Variants in CBLB observed in about 807,000 individuals in gnomAD.
The protein encoded by CBLB is E3 ubiquitin-protein ligase CBL-B.
Under a neutral mutation model 104.9 loss-of-function variants are expected in CBLB, and 31 were observed. The ratio of observed to expected loss-of-function variants is 0.30; its 90% confidence interval spans 0.22 to 0.40. The LOEUF is 0.40. CBLB is among the 10% of genes least tolerant of loss of function. The pLI, the probability that CBLB is intolerant of heterozygous loss-of-function variation, is 1.00. For missense variants in CBLB, 1,062 were observed against 1,214.6 expected, an observed-to-expected ratio of 0.87 and a Z score of 1.87; for synonymous variants, 440 against 422.6, an observed-to-expected ratio of 1.04 and a Z score of -0.51.
chr3:105,730,518 C>T (rs2074201931), intron 9 of CBLB, among the ~76,000 whole-genome samples: 1 of 151,958 alleles, frequency 6.6e-6, no homozygotes, highest in Admixed American at 6.6e-5. Context: ...GACCAATGTG[C>T]AGATAACATG....
chr3:105,759,490 G>A (rs965517563), intron 4 of CBLB, among the ~76,000 whole-genome samples: 6 of 152,214 alleles, frequency 3.9e-5, no homozygotes, highest in African/African-American at 1.4e-4. Context: ...TGTTTCTGTG[G>A]AGGGTCACCT....
chr3:105,746,422 GACTTT>G (rs2076105702), intron 5 of CBLB, among the ~76,000 whole-genome samples: 1 of 152,116 alleles, frequency 6.6e-6, no homozygotes, highest in Non-Finnish European at 1.5e-5. Flanking sequence ...CACTTAGAAG[GACTTT>G]ACAAGGTTTG....
chr3:105,746,511 T>C (rs546768333), intron 5 of CBLB, among the ~76,000 whole-genome samples: 3 of 152,212 alleles, frequency 2.0e-5, no homozygotes, highest in Non-Finnish European at 2.9e-5. Context: ...CAGCCTGCTA[T>C]TGTCTTGAAC....
At chr3:105,865,628 CAGTT>C (rs943749016) in intron 2 of CBLB, among the ~76,000 whole-genome samples, 3 of 152,148 alleles carry the variant, frequency 2.0e-5, no homozygotes, top group African/African-American at 7.2e-5. Context: ...TGTTAACAAC[CAGTT>C]ACAGACCAAA....
intron 13 of CBLB, among the ~76,000 whole-genome samples, chr3:105,688,624 A>C (rs149792276): frequency 6.6e-6 from 1 of 152,056 alleles, no homozygotes; most frequent in Non-Finnish European, 1.5e-5. Flanking sequence ...ACATTACACC[A>C]TATTTCTTAT....
chr3:105,689,105 T>TA (rs1242287672), intron 13 of CBLB, among the ~76,000 whole-genome samples: 2 of 152,080 alleles, frequency 1.3e-5, no homozygotes, highest in East Asian at 3.9e-4. Context: ...TTTTTCCTCC[T>TA]AGCACTTACC....
chr3:105,694,362 T>C (rs780954894), intron 12 of CBLB, among the ~76,000 whole-genome samples: 5 of 151,972 alleles, frequency 3.3e-5, no homozygotes, highest in Non-Finnish European at 7.4e-5. Context: ...TATGAGAGGA[T>C]AATTTTGCAG....
chr3:105,704,910 TTG>T (rs1338922991), intron 10 of CBLB, among the ~76,000 whole-genome samples: 2 of 152,082 alleles, frequency 1.3e-5, no homozygotes, highest in Non-Finnish European at 2.9e-5. Flanking sequence ...TTGCATAATG[TTG>T]TGTGTTTGTG....
At chr3:105,852,637 C>T (rs1031234468) in intron 3 of CBLB, among the ~76,000 whole-genome samples, 6 of 151,680 alleles carry the variant, frequency 4.0e-5, no homozygotes, top group African/African-American at 1.5e-4. Flanking sequence ...AGTAACAGTC[C>T]TAGGCCTTCA....
chr3:105,780,670 T>TTTTTTTTTTTTTTTTTTTTTTTTTTTG (rs1560209728), intron 3 of CBLB, among the ~76,000 whole-genome samples: 2 of 135,176 alleles, frequency 1.5e-5, no homozygotes, highest in Admixed American at 7.8e-5. Context: ...GTTTTTTTTT[T>TTTTTTTTTTTTTTTTTTTTTTTTTTTG]TTTTTTTTTT....
At chr3:105,725,999 C>T (rs1024944272) in intron 9 of CBLB, among the ~76,000 whole-genome samples, 9 of 152,054 alleles carry the variant, frequency 5.9e-5, no homozygotes, top group African/African-American at 2.2e-4. Flanking sequence ...TTACAGGCTC[C>T]CGCCACCACG....
At chr3:105,704,842 T>C (rs116158643) in intron 10 of CBLB, among the ~76,000 whole-genome samples, 1,934 of 152,268 alleles carry the variant, frequency 0.013, 43 homozygotes, top group African/African-American at 0.044. Flanking sequence ...TATTGTCTGG[T>C]AGATAAAGTA....
At chr3:105,704,862 A>T (rs1235866717) in intron 10 of CBLB, among the ~76,000 whole-genome samples, 1 of 152,180 alleles carries the variant, frequency 6.6e-6, no homozygotes, top group East Asian at 1.9e-4. Context: ...AGCATCGAAA[A>T]GCCAGTAAGT....
chr3:105,838,132 G>T (rs1429537069), intron 3 of CBLB, among the ~76,000 whole-genome samples: 1 of 144,904 alleles, frequency 6.9e-6, no homozygotes, highest in Non-Finnish European at 1.5e-5. Flanking sequence ...ACCCAGGCTG[G>T]AGTGCAGCGC....
At chr3:105,780,615 A>C (rs1345354225) in intron 3 of CBLB, among the ~76,000 whole-genome samples, 2 of 127,870 alleles carry the variant, frequency 1.6e-5, no homozygotes, top group African/African-American at 5.8e-5. Context: ...TTTGCATGGG[A>C]TTTTGTTTGT....
At chr3:105,766,785 G>T (rs57567169) in intron 4 of CBLB, among the ~76,000 whole-genome samples, 1 of 152,114 alleles carries the variant, frequency 6.6e-6, no homozygotes, top group Non-Finnish European at 1.5e-5. Flanking sequence ...ACTTCATTGC[G>T]ATGTACTTTA....
chr3:105,802,457 T>C (rs1166475058), intron 3 of CBLB, among the ~76,000 whole-genome samples: 3 of 152,204 alleles, frequency 2.0e-5, no homozygotes, highest in Non-Finnish European at 2.9e-5. Context: ...AGTTGCCAAC[T>C]AAAAACATAA....
At chr3:105,859,645 A>G (rs767784440) in intron 2 of CBLB, among the ~76,000 whole-genome samples, 1 of 133,202 alleles carries the variant, frequency 7.5e-6, no homozygotes, top group African/African-American at 2.9e-5. Context: ...CCTGGGCCAC[A>G]GAGTGAGACT....
chr3:105,772,877 T>A (rs1260323210), intron 4 of CBLB, among the ~76,000 whole-genome samples: 1 of 152,126 alleles, frequency 6.6e-6, no homozygotes, highest in African/African-American at 2.4e-5. Context: ...TTAAACATCT[T>A]TAAAAACAAT....
Sources: gnomAD v4.1 joint callset for allele counts (sites outside exome capture counted in the v4.1 genomes callset) on GRCh38, gnomAD v4.1.1 for gene constraint, MANE v1.5 for transcripts, NCBI Gene and HGNC (gene_info 2026-07-23, HGNC 2026-07-21) for gene names.